AFAP1L2: variants seen among roughly 807,000 people sequenced by gnomAD.
AFAP1L2 encodes the protein actin filament-associated protein 1-like 2.
In AFAP1L2, 46 loss-of-function variants were observed where a neutral mutation model predicts 99.3. The ratio of observed to expected loss-of-function variants is 0.46; its 90% CI spans 0.37 to 0.59. The LOEUF (loss-of-function observed/expected upper bound fraction) is 0.59, where lower values mean the gene tolerates loss of function less well. Ranked by LOEUF, AFAP1L2 falls within the 20% of genes least tolerant of loss-of-function variation. The pLI is 0.00. For synonymous variants in AFAP1L2, 397 were observed against 419.1 expected (o/e 0.95, Z 0.64); for missense variants, 959 against 1,034.9 (o/e 0.93, Z 1.01).
chr10:114,374,052 C>G (rs963491189), intron 1 of AFAP1L2, among the ~76,000 whole-genome samples: 3 of 152,094 alleles, frequency 2.0e-5, no homozygotes, highest in Non-Finnish European at 4.4e-5. Flanking sequence ...AGAGTGACAA[C>G]ACACAGCCCC....
chr10:114,282,697 G>T, the AFAP1L2 span: 1 of 751,192 alleles, frequency 1.3e-6, no homozygotes, highest in African/African-American at 1.7e-5. Flanking sequence ...AGAGGGATGG[G>T]GCACTTGGGG....
In AFAP1L2 at chr10:114,295,380, G is replaced by A; in HGVS notation, c.*662C>T. 1 of 985,650 alleles carries A rather than the reference G, an allele frequency of 1.0e-6. No individual in the cohort carries two copies. Among genetic ancestry groups the A allele is most frequent in the African/African-American group, 1.7e-5 (1 of 57,348 alleles). The allele number at this position is 985,650 out of a possible 1,614,324, so 61.1% of individuals were successfully genotyped here. A position where few individuals can be genotyped will look rare whatever the true frequency, so the allele number is the denominator to read the frequency against. ...ATTTAAAGACAGTTGATTCAGGCCTGCCTTGGACTGGAAAGAAGTCTTTAA... is the reference window on the plus strand; with the variant it reads ...ATTTAAAGACAGTTGATTCAGGCCTACCTTGGACTGGAAAGAAGTCTTTAA... On this transcript the variant is annotated 3_prime_UTR_variant, in exon 19 of 19. Coordinates refer to ENST00000304129, the MANE Select transcript of AFAP1L2 (RefSeq NM_001001936.3).
At chr10:114,282,573 T>C in the AFAP1L2 span, 1 of 1,613,588 alleles carries the variant, frequency 6.2e-7, no homozygotes, top group Admixed American at 1.7e-5. Flanking sequence ...CCTGCCCAGG[T>C]ATGGTCTGTC....
At chr10:114,391,414 T>C (rs2057139569) in intron 1 of AFAP1L2, among the ~76,000 whole-genome samples, 2 of 152,120 alleles carry the variant, frequency 1.3e-5, no homozygotes, top group Non-Finnish European at 2.9e-5. Flanking sequence ...GAGACAGGGT[T>C]TCACCATGTT....
At chr10:114,292,943 G>A (rs975943721), downstream of AFAP1L2, among the ~76,000 whole-genome samples, 1 of 152,150 alleles carries the variant, frequency 6.6e-6, no homozygotes, top group East Asian at 1.9e-4. Context: ...CTGACCTCAG[G>A]TGATCCCCCT....
At chr10:114,396,308 CAAAT>C (rs940666986) in intron 1 of AFAP1L2, among the ~76,000 whole-genome samples, 6 of 152,086 alleles carry the variant, frequency 3.9e-5, no homozygotes, top group Admixed American at 2.6e-4. Context: ...GATTAAAAAA[CAAAT>C]AAATAAATAA....
In AFAP1L2 at chr10:114,360,471, C is replaced by T. The variant is rs75056087; in HGVS notation, c.17-19740G>A. ...TCTCTTCCCAAATAGATAGATACCT[C>T]GATATCTCAATATCTAGATAGATAG... is the stretch of plus-strand genomic sequence containing the variant. On this transcript the variant is annotated intron_variant, in intron 1 of 18. Transcript: ENST00000304129. Among the ~76,000 whole-genome samples, 694 of 126,964 alleles carry T rather than the reference C, an allele frequency of 5.5e-3. 4 individuals carry two copies. The highest frequency in any genetic ancestry group is 0.018 in the African/African-American group (645 of 36,298). The allele number at this position is 126,964 out of a possible 152,430, so 83.3% of individuals were successfully genotyped here. A position where few individuals can be genotyped will look rare whatever the true frequency, so the allele number is the denominator to read the frequency against.
Sources: gnomAD v4.1 joint callset for allele counts (sites outside exome capture counted in the v4.1 genomes callset) on GRCh38, gnomAD v4.1.1 for gene constraint, MANE v1.5 for transcripts, NCBI Gene and HGNC (gene_info 2026-07-23, HGNC 2026-07-21) for gene names.